The following ZNF536 variants were observed in gnomAD, a reference collection of about 807,000 sequenced individuals.
The protein encoded by ZNF536 is zinc finger protein 536.
ZNF536 carries 13 observed loss-of-function variants against 84.5 expected under a neutral mutation model. That is an observed-to-expected ratio of 0.15 (90% CI 0.10 to 0.24). The LOEUF (loss-of-function observed/expected upper bound fraction) is 0.24. ZNF536 is among the 10% of genes least tolerant of loss of function. The pLI, the probability that ZNF536 is intolerant of heterozygous loss-of-function variation, is 1.00. For missense variants in ZNF536, 1,536 were observed against 1,747.5 expected (o/e 0.88, Z 2.16); for synonymous variants, 811 against 742.5 (o/e 1.09, Z -1.50).
chr19:30,463,368 T>C (rs2053243755), intron 2 of ZNF536, among the ~76,000 whole-genome samples: 1 of 152,020 alleles, frequency 6.6e-6, no homozygotes, highest in African/African-American at 2.4e-5. Context: ...GGGGTGCAAG[T>C]TGGGAAATGC....
At chr19:30,288,473 C>G (rs944140582) in intron 2 of ZNF536, among the ~76,000 whole-genome samples, 1 of 152,174 alleles carries the variant, frequency 6.6e-6, no homozygotes, top group Non-Finnish European at 1.5e-5. Context: ...AAAACTTATT[C>G]TCAGTGATAA....
At chr19:30,356,295 T>A (rs2048092904) in intron 3 of ZNF536, among the ~76,000 whole-genome samples, 1 of 152,188 alleles carries the variant, frequency 6.6e-6, no homozygotes, top group African/African-American at 2.4e-5. Context: ...TCCTTTTATG[T>A]AACAGACAAA....
At position 30,581,487 on chromosome 19, in the gene ZNF536, GA is replaced by G. The variant is rs1244835259; in HGVS notation, c.169+31982del. On this transcript the variant is annotated intron_variant, in intron 1 of 1. Coordinates refer to the ZNF536 transcript ENST00000592773. ...GCCAGGGTCCATCTCAAAAAGAAAAGAAAAAAAAAGTTACAGTTGCTTGTGG... is the reference window on the plus strand; with the variant it reads ...GCCAGGGTCCATCTCAAAAAGAAAAGAAAAAAAAGTTACAGTTGCTTGTGG... 8.0e-5 allele frequency among the ~76,000 whole-genome samples: 12 copies of G among 150,664 alleles called. No homozygotes were observed. The East Asian group carries it at 9.8e-4, about 12-fold the overall frequency.
chr19:30,649,726 TC>T (rs1055927799), intron 1 of ZNF536, among the ~76,000 whole-genome samples: 2 of 152,144 alleles, frequency 1.3e-5, no homozygotes, highest in Non-Finnish European at 2.9e-5. Flanking sequence ...CCGAGAGTCA[TC>T]CTAACCCCTA....
At chr19:30,376,856 C>A (rs2048838407) in intron 1 of ZNF536, among the ~76,000 whole-genome samples, 1 of 152,350 alleles carries the variant, frequency 6.6e-6, no homozygotes, top group Admixed American at 6.5e-5. Flanking sequence ...GACCCCACCC[C>A]CAGGCTAGGA....
At chr19:30,632,956 G>A (rs1182864551) in intron 1 of ZNF536, among the ~76,000 whole-genome samples, 2 of 152,212 alleles carry the variant, frequency 1.3e-5, no homozygotes, top group African/African-American at 4.8e-5. Flanking sequence ...GAAGAGGGCT[G>A]TGGATTACAG....
At position 30,549,131 on chromosome 19, in the gene ZNF536, A is replaced by T; in HGVS notation, c.3512A>T (p.Asp1171Val). The change falls in exon 4 of 5, where the codon GAC (aspartate) becomes GTC (valine). Residue 1171 changes from aspartate to valine, a missense_variant. Physicochemically the swap from Asp to Val is radical, Grantham distance 152. Transcript: ENST00000355537. The part of the protein sequence containing the change: ...LSDIASSEDM[D>V]SSKGENNDEE... ...GACATTGCCTCCTCAGAGGACATGG[A>T]CTCCTCCAAGGGGGAGAACAACGAT... is the stretch of plus-strand genomic sequence containing the variant. 1.2e-6 allele frequency: 2 copies of T among 1,613,988 alleles called. No individual in the cohort carries two copies. The highest frequency in any genetic ancestry group is 1.7e-6 in the Non-Finnish European group (2 of 1,180,008).
intron 1 of ZNF536, among the ~76,000 whole-genome samples, chr19:30,605,937 T>C (rs1318920066): frequency 6.6e-6 from 1 of 152,004 alleles, no homozygotes. Context: ...CAGAAAGACT[T>C]TGGCCATTTG....
intron 2 of ZNF536, among the ~76,000 whole-genome samples, chr19:30,506,779 T>C (rs1181381271): frequency 6.6e-6 from 1 of 152,162 alleles, no homozygotes; most frequent in East Asian, 1.9e-4. Flanking sequence ...CAAAAATAGC[T>C]TCCTTGTTTG....
At chr19:30,226,585 A>G (rs553705243), upstream of ZNF536, among the ~76,000 whole-genome samples, 20 of 152,010 alleles carry the variant, frequency 1.3e-4, no homozygotes, top group South Asian at 3.7e-3. This position sits in a 1 kb window ranked among gnomAD's most constrained non-coding sequence, Gnocchi z 4.6. Context: ...ACCCCAGGAA[A>G]GGCCGTGGCG....
intron 1 of ZNF536, among the ~76,000 whole-genome samples, chr19:30,679,774 T>G (rs1244692813): frequency 3.3e-5 from 5 of 152,158 alleles, no homozygotes; most frequent in African/African-American, 1.2e-4. Context: ...ACTCAAGGGA[T>G]TTCACATAAA....
intron 2 of ZNF536, among the ~76,000 whole-genome samples, chr19:30,465,202 C>G (rs1000209569): frequency 3.9e-5 from 6 of 152,144 alleles, no homozygotes; most frequent in African/African-American, 1.4e-4. Context: ...CTGAAGCCAG[C>G]CCTGTAGTGG....
chr19:30,399,423 G>T (rs1471964719), intron 1 of ZNF536, among the ~76,000 whole-genome samples: 2 of 152,066 alleles, frequency 1.3e-5, no homozygotes, highest in African/African-American at 4.8e-5. Context: ...AGTTTAATTA[G>T]ATCCCATTTG....
At chr19:30,684,523 T>C (rs2051097957) in intron 1 of ZNF536, among the ~76,000 whole-genome samples, 1 of 152,216 alleles carries the variant, frequency 6.6e-6, no homozygotes. Flanking sequence ...GGTAAGGAAG[T>C]TCACTTTACC....
chr19:30,359,030 G>A (rs1393448494), intron 3 of ZNF536, among the ~76,000 whole-genome samples: 2 of 152,184 alleles, frequency 1.3e-5, no homozygotes, highest in Non-Finnish European at 2.9e-5. Context: ...CATCAAAAGG[G>A]ACCGCCACTA....
chr19:30,603,167 G>A (rs1206566500), intron 1 of ZNF536, among the ~76,000 whole-genome samples: 1 of 152,194 alleles, frequency 6.6e-6, no homozygotes, highest in Non-Finnish European at 1.5e-5. Flanking sequence ...ACTCTAGACT[G>A]GAGGCCTCAG....
At chr19:30,629,147 G>A (rs1342061119) in intron 1 of ZNF536, among the ~76,000 whole-genome samples, 1 of 152,190 alleles carries the variant, frequency 6.6e-6, no homozygotes, top group Non-Finnish European at 1.5e-5. Context: ...ATCACTGAAG[G>A]CTTGCTCAGT....
intron 1 of ZNF536, among the ~76,000 whole-genome samples, chr19:30,653,414 A>G (rs1000311319): frequency 6.6e-6 from 1 of 152,120 alleles, no homozygotes; most frequent in African/African-American, 2.4e-5. Context: ...GTGCAATGAA[A>G]CTTGAAGAGT....
intron 1 of ZNF536, among the ~76,000 whole-genome samples, chr19:30,382,928 A>T (rs1036403981): frequency 2.0e-5 from 3 of 152,216 alleles, no homozygotes; most frequent in African/African-American, 7.2e-5. Flanking sequence ...TTCCCATAGA[A>T]ATCCTTAAAA....
Sources: allele counts gnomAD v4.1 joint callset (sites outside exome capture counted in the v4.1 genomes callset), GRCh38; gene constraint gnomAD v4.1.1; non-coding constraint Gnocchi (gnomAD v3.1); transcripts MANE v1.5; gene names NCBI Gene and HGNC (gene_info 2026-07-23, HGNC 2026-07-21).